The following ABCC1 variants were observed in gnomAD, a reference collection of about 807,000 sequenced individuals.
ABCC1 encodes the protein multidrug resistance-associated protein 1.
Under a neutral mutation model 172.9 loss-of-function variants are expected in ABCC1, and 83 were observed. The ratio of observed to expected loss-of-function variants is 0.48; its 90% CI spans 0.40 to 0.58. ABCC1 has a LOEUF of 0.58. Ranked by LOEUF, ABCC1 falls within the 20% of genes least tolerant of loss-of-function variation. The pLI, the probability that ABCC1 is intolerant of heterozygous loss-of-function variation, is 0.00. For missense variants in ABCC1, 1,817 were observed against 2,002.7 expected, an observed-to-expected ratio of 0.91 and a Z score of 1.77; for synonymous variants, 937 against 825.2, an observed-to-expected ratio of 1.14 and a Z score of -2.32.
In ABCC1 at chr16:16,114,686, G is replaced by C. The variant is rs1030047852; in HGVS notation, c.3080-80G>C. On this transcript the variant is annotated intron_variant, in intron 22 of 30. Coordinates refer to ENST00000399410, the MANE Select transcript of ABCC1 (RefSeq NM_004996.4). ...GAAGTTGGGAGTCCAGGCCTGCCTCGTCCACATGGCCACTCCTCCCTGCAG... is the reference window on the plus strand; with the variant it reads ...GAAGTTGGGAGTCCAGGCCTGCCTCCTCCACATGGCCACTCCTCCCTGCAG... 6.5e-6 allele frequency: 9 copies of C among 1,392,384 alleles called. No individual in the cohort carries two copies. The East Asian group carries it at 2.2e-4, about 33-fold the overall frequency. 86.3% of individuals were successfully genotyped at this position (1,392,384 alleles called of 1,614,324 possible). A position where few individuals can be genotyped will look rare whatever the true frequency, so the allele number is the denominator to read the frequency against.
At chr16:16,058,370 C>A (rs2049761593) in intron 12 of ABCC1, among the ~76,000 whole-genome samples, 1 of 152,062 alleles carries the variant, frequency 6.6e-6, no homozygotes, top group African/African-American at 2.4e-5. Flanking sequence ...GTCAGGTTGG[C>A]AAATTATATG....
In ABCC1 at chr16:15,949,630, C is replaced by A. The variant is rs1597044138; in HGVS notation, c.-122C>A. 1 of 677,976 alleles carries A rather than the reference C, an allele frequency of 1.5e-6. No homozygotes were observed. The highest frequency in any genetic ancestry group is 6.1e-5 in the South Asian group (1 of 16,278). The allele number at this position is 677,976 out of a possible 1,614,324, so 42.0% of individuals were successfully genotyped here. On this transcript the variant is annotated 5_prime_UTR_variant, in exon 1 of 31. Coordinates refer to ENST00000399410, the MANE Select transcript of ABCC1 (RefSeq NM_004996.4). ...CTCCCTGCGCCGCCGCCGCCGCCGC[C>A]GCCAGCGCTAGCGCCAGCAGCCGGG...
chr16:15,984,716 T>TC (rs1335894434), intron 1 of ABCC1, among the ~76,000 whole-genome samples: 3 of 152,114 alleles, frequency 2.0e-5, no homozygotes, highest in Non-Finnish European at 2.9e-5. Context: ...AGTGCTGAGA[T>TC]TACAGGCTTG....
At chr16:16,013,253 G>A (rs979172621) in intron 3 of ABCC1, among the ~76,000 whole-genome samples, 7 of 150,046 alleles carry the variant, frequency 4.7e-5, no homozygotes, top group Admixed American at 3.4e-4. Flanking sequence ...ATATGGGACA[G>A]GATGCAGCCA....
At chr16:16,049,176 C>G (rs559866119) in intron 10 of ABCC1, among the ~76,000 whole-genome samples, 1 of 152,076 alleles carries the variant, frequency 6.6e-6, no homozygotes, top group African/African-American at 2.4e-5. Flanking sequence ...TACATGGCTC[C>G]GTAGCTTTGG....
At chr16:16,117,744 A>G (rs2044957277) in intron 23 of ABCC1, among the ~76,000 whole-genome samples, 1 of 152,186 alleles carries the variant, frequency 6.6e-6, no homozygotes, top group Non-Finnish European at 1.5e-5. Flanking sequence ...CACCTCTACT[A>G]AAAATACAAA....
At chr16:15,975,418 C>T (rs140474983) in intron 1 of ABCC1, among the ~76,000 whole-genome samples, 3 of 152,214 alleles carry the variant, frequency 2.0e-5, no homozygotes, top group African/African-American at 4.8e-5. Flanking sequence ...TTCCTTTAGA[C>T]TCCTGTCCCT....
chr16:16,079,943 T>TG (rs1343759543), intron 16 of ABCC1, among the ~76,000 whole-genome samples: 3 of 151,920 alleles, frequency 2.0e-5, no homozygotes, highest in African/African-American at 7.3e-5. Flanking sequence ...CCCGAGTAGC[T>TG]AGGATTACAG....
rs1034327905 is a variant in ABCC1, at chr16:16,090,491, G to A, written c.2547G>A (p.Met849Ile). The A allele has an allele frequency of 5.0e-6, 8 of 1,613,928 alleles. No individual in the cohort carries two copies. The Admixed American group carries it at 5.0e-5, about 10-fold the overall frequency. The change falls in exon 19 of 31, where the codon ATG becomes ATA. Residue 849 changes from methionine to isoleucine, a missense_variant. Transcript: ENST00000399410. ...IVMSGGKISEMGSYQELLARD... is the reference protein window; with the variant it reads ...IVMSGGKISEIGSYQELLARD... ...TGAGTGGCGGCAAGATCTCTGAGAT[G>A]GGCTCCTACCAGGAGCTGCTGGCTC...
intron 5 of ABCC1, among the ~76,000 whole-genome samples, chr16:16,018,216 A>G (rs547348245): frequency 6.6e-5 from 10 of 152,210 alleles, no homozygotes; most frequent in South Asian, 2.1e-4. Flanking sequence ...GGGCATCAGT[A>G]TGGAGGAGGA....
chr16:16,067,308 C>G (rs950098764), intron 12 of ABCC1, among the ~76,000 whole-genome samples: 2 of 152,178 alleles, frequency 1.3e-5, no homozygotes, highest in African/African-American at 4.8e-5. Flanking sequence ...TCAGCGTCAT[C>G]TGTCTTGTTA....
chr16:16,092,818 C>T (rs959956749), intron 19 of ABCC1, among the ~76,000 whole-genome samples: 26 of 152,120 alleles, frequency 1.7e-4, no homozygotes, highest in African/African-American at 6.0e-4. Flanking sequence ...GGTGAAACCT[C>T]GTCTCTACTG....
In ABCC1 at chr16:15,987,992, C is replaced by T. The variant is rs561598995; in HGVS notation, c.49-19824C>T. ...TTTTTAATTGAGATGGAGTCTCGCT[C>T]TGTCACCCAGGCTGGAGTGCAGTGG... On this transcript the variant is annotated intron_variant, in intron 1 of 30. Coordinates refer to ENST00000399410, the MANE Select transcript of ABCC1 (RefSeq NM_004996.4). 5.3e-5 allele frequency among the ~76,000 whole-genome samples: 8 copies of T among 152,322 alleles called. No individual in the cohort carries two copies. In the South Asian group the frequency reaches 1.2e-3, roughly 24 times the overall value.
chr16:16,010,397 A>G (rs2047732925), intron 3 of ABCC1, among the ~76,000 whole-genome samples: 1 of 152,166 alleles, frequency 6.6e-6, no homozygotes, highest in Non-Finnish European at 1.5e-5. Context: ...AGTCCCCACC[A>G]TGCCCTATTG....
chr16:16,128,642 C>T (rs1432389845), intron 26 of ABCC1, among the ~76,000 whole-genome samples: 1 of 152,284 alleles, frequency 6.6e-6, no homozygotes, highest in East Asian at 1.9e-4. Context: ...GTTATAGCAT[C>T]TCCCCTTCAA....
intron 24 of ABCC1, among the ~76,000 whole-genome samples, chr16:16,124,054 C>G (rs975263246): frequency 6.6e-6 from 1 of 152,098 alleles, no homozygotes; most frequent in Non-Finnish European, 1.5e-5. Flanking sequence ...ATTTCTGTTT[C>G]TATTTTAAAG....
At position 16,052,575 on chromosome 16, in the gene ABCC1, C is replaced by T. The variant is rs903910705; in HGVS notation, c.1381-149C>T. The T allele has an allele frequency of 6.0e-6, 4 of 667,890 alleles. No homozygotes were observed. The East Asian group carries it at 1.1e-4, about 18-fold the overall frequency. The allele number at this position is 667,890 out of a possible 1,614,324, so 41.4% of individuals were successfully genotyped here. A position where few individuals can be genotyped will look rare whatever the true frequency, so the allele number is the denominator to read the frequency against. ...ATGCTCAGGAATGAAACCACAGGCT[C>T]TTAACACCCTATTGTGGGGTAAAAG... On this transcript the variant is annotated intron_variant, in intron 10 of 30. Transcript: ENST00000399410.
chr16:16,050,838 A>G (rs969764439), intron 10 of ABCC1, among the ~76,000 whole-genome samples: 2 of 151,508 alleles, frequency 1.3e-5, no homozygotes, highest in African/African-American at 4.9e-5. Flanking sequence ...AGGAGTGCAG[A>G]GGCTGCAGTA....
At chr16:15,996,146 G>T (rs1486992179) in intron 1 of ABCC1, among the ~76,000 whole-genome samples, 1 of 151,578 alleles carries the variant, frequency 6.6e-6, no homozygotes, top group Admixed American at 6.6e-5. Flanking sequence ...CACCATGCCC[G>T]GCTAATTTTT....
Sources: gnomAD v4.1 joint callset for allele counts (sites outside exome capture counted in the v4.1 genomes callset) on GRCh38, gnomAD v4.1.1 for gene constraint, MANE v1.5 for transcripts, NCBI Gene and HGNC (gene_info 2026-07-23, HGNC 2026-07-21) for gene names.